Variants in KIN observed in about 807,000 individuals in gnomAD.
KIN encodes Kin17 DNA and RNA binding protein.
Under a neutral mutation model 63.0 loss-of-function variants are expected in KIN, and 47 were observed. The ratio of observed to expected loss-of-function variants is 0.75; its 90% CI spans 0.59 to 0.95. The LOEUF is 0.95. Ranked by LOEUF, KIN falls within the 40% of genes least tolerant of loss-of-function variation. The pLI is 0.00. For missense variants in KIN, 408 were observed against 460.9 expected, an observed-to-expected ratio of 0.89 and a Z score of 1.05; for synonymous variants, 160 against 157.7, an observed-to-expected ratio of 1.01 and a Z score of -0.11.
At chr10:7,780,790 C>T (rs760420160) in intron 2 of KIN, among the ~76,000 whole-genome samples, 6 of 152,112 alleles carry the variant, frequency 3.9e-5, no homozygotes, top group Non-Finnish European at 7.3e-5. Flanking sequence ...GAAAGAACTC[C>T]AAAATATTAT....
intron 7 of KIN, among the ~76,000 whole-genome samples, chr10:7,770,278 A>G (rs1835641608): frequency 6.6e-6 from 1 of 152,190 alleles, no homozygotes; most frequent in Non-Finnish European, 1.5e-5. Context: ...AACTGTCACC[A>G]TTGGCCCCAG....
rs1226370697 is a variant in KIN, at chr10:7,752,654, T to C, written c.*3426A>G. Reference sequence around the variant, plus strand: ...CTTTACTCATAATTTCCAAACCTTGTAAGCAACCAAGATATCCTTCAGTAG... The same window carrying C: ...CTTTACTCATAATTTCCAAACCTTGCAAGCAACCAAGATATCCTTCAGTAG... On this transcript the variant is annotated 3_prime_UTR_variant, in exon 13 of 13. Transcript: ENST00000379562. 6.6e-5 allele frequency: 10 copies of C among 152,228 alleles called. No individual in the cohort carries two copies. Among genetic ancestry groups the C allele is most frequent in the African/African-American group, 2.2e-4 (9 of 41,466 alleles). The allele number at this position is 152,228 out of a possible 1,614,324, so 9.4% of individuals were successfully genotyped here.
At position 7,754,845 on chromosome 10, in the gene KIN, A is replaced by G. The variant is rs1486509118; in HGVS notation, c.*1235T>C. On this transcript the variant is annotated 3_prime_UTR_variant, in exon 13 of 13. Coordinates refer to ENST00000379562, the MANE Select transcript of KIN (RefSeq NM_012311.4). Reference sequence around the variant, plus strand: ...TGCTCCTTTCAGTCATGTGCACTACAAATATCCCTTCGTTTTTCCTTTGGC... The same window carrying G: ...TGCTCCTTTCAGTCATGTGCACTACGAATATCCCTTCGTTTTTCCTTTGGC... 6.6e-6 allele frequency: 1 copy of G among 152,214 alleles called. No individual in the cohort carries two copies. The highest frequency in any genetic ancestry group is 1.5e-5 in the Non-Finnish European group (1 of 68,094). The allele number at this position is 152,214 out of a possible 1,614,324, so 9.4% of individuals were successfully genotyped here.
Position 7,780,198 on chromosome 10 carries a change from C to T in KIN, c.254-20G>A. On this transcript the variant is annotated intron_variant, in intron 3 of 12. Coordinates refer to ENST00000379562, the MANE Select transcript of KIN (RefSeq NM_012311.4). Reference sequence around the variant, plus strand: ...TAGTGCCTGAGAACAAAATATGACACTGATGATCATCAGAAGATTATGCCA... The same window carrying T: ...TAGTGCCTGAGAACAAAATATGACATTGATGATCATCAGAAGATTATGCCA... The T allele has an allele frequency of 1.9e-6, 3 of 1,612,024 alleles. No homozygotes were observed. The highest frequency in any genetic ancestry group is 2.5e-6 in the Non-Finnish European group (3 of 1,178,966).
intron 11 of KIN, 40 bp from the exon 12 acceptor site, chr10:7,760,030 A>ATT: frequency 3.1e-6 from 3 of 962,774 alleles, no homozygotes; most frequent in Non-Finnish European, 4.8e-6. Context: ...GTGAAGAAAT[A>ATT]TCTCCACTTT....
At chr10:7,779,178 CA>C (rs2131026014) in intron 4 of KIN, among the ~76,000 whole-genome samples, 159 bp from the exon 5 acceptor site, 1 of 152,306 alleles carries the variant, frequency 6.6e-6, no homozygotes, top group African/African-American at 2.4e-5. Flanking sequence ...GAGGCCAACA[CA>C]GGTGGATCAC....
rs1436723629 is a variant in KIN at position 7,755,952 on chromosome 10, A to C, written c.*128T>G. ...AAGTTTAGCTGAACAACTATACAGT[A>C]ATATTTTCAAAAACCTGTTTGTTTT... is the stretch of plus-strand genomic sequence containing the variant. On this transcript the variant is annotated 3_prime_UTR_variant, in exon 13 of 13. Transcript: ENST00000379562. The C allele has an allele frequency of 3.9e-6, 2 of 510,764 alleles. No individual in the cohort carries two copies. The highest frequency in any genetic ancestry group is 4.1e-5 in the African/African-American group (2 of 49,034). 31.6% of individuals were successfully genotyped at this position (510,764 alleles called of 1,614,324 possible). A position where few individuals can be genotyped will look rare whatever the true frequency, so the allele number is the denominator to read the frequency against.
At chr10:7,779,743 A>G (rs1476605799) in intron 4 of KIN, among the ~76,000 whole-genome samples, 5 of 152,212 alleles carry the variant, frequency 3.3e-5, no homozygotes, top group African/African-American at 7.2e-5. Flanking sequence ...TTTATTTTAT[A>G]TAAGGGACTT....
intron 10 of KIN, 123 bp from the exon 11 acceptor site, chr10:7,762,679 T>C: frequency 3.7e-6 from 2 of 535,958 alleles, no homozygotes; most frequent in Non-Finnish European, 6.5e-6. Flanking sequence ...ACTCCTTCTA[T>C]AAATGACACT....
intron 1 of KIN, 89 bp from the exon 2 acceptor site, chr10:7,783,264 G>T (rs1835934512): frequency 1.8e-6 from 1 of 542,032 alleles, no homozygotes; most frequent in Non-Finnish European, 3.1e-6. Flanking sequence ...CAAAAAATCT[G>T]CTCTTTGATG....
chr10:7,758,958 G>T (rs1835387359), intron 12 of KIN, among the ~76,000 whole-genome samples: 2 of 151,898 alleles, frequency 1.3e-5, no homozygotes, highest in South Asian at 4.1e-4. Context: ...AGAAAAGCTT[G>T]ATTTACTGAA....
intron 12 of KIN, 42 bp from the exon 13 acceptor site, chr10:7,756,184 T>C (rs756197792): frequency 1.2e-5 from 16 of 1,292,764 alleles, no homozygotes; most frequent in Non-Finnish European, 1.5e-5. Flanking sequence ...AAAACACATA[T>C]TCCTAAAAGA....
Position 7,754,023 on chromosome 10 carries a change from T to C in KIN, c.*2057A>G. The C allele has an allele frequency of 2.2e-6, 1 of 456,000 alleles. No individual in the cohort carries two copies. Among genetic ancestry groups the C allele is most frequent in the Non-Finnish European group, 4.4e-6 (1 of 226,778 alleles). 28.2% of individuals were successfully genotyped at this position (456,000 alleles called of 1,614,324 possible). The stretch of plus-strand genomic sequence containing the variant: ...ATCCTGGTATGGTCTGTTTTTTGTT[T>C]GAACTCTTGTAGAAGATCAACTCAG... On this transcript the variant is annotated 3_prime_UTR_variant, in exon 13 of 13. Transcript: ENST00000379562.
At chr10:7,756,509 G>A (rs897491356) in intron 12 of KIN, among the ~76,000 whole-genome samples, 8 of 152,150 alleles carry the variant, frequency 5.3e-5, no homozygotes, top group East Asian at 3.9e-4. Context: ...CGGTCCAGAC[G>A]TGCTATAACT....
Position 7,755,751 on chromosome 10 carries a change from G to GT in KIN, c.*328dup, listed in dbSNP as rs972856171. The GT allele has an allele frequency of 1.7e-5, 3 of 171,844 alleles. No individual in the cohort carries two copies. The highest frequency in any genetic ancestry group is 7.1e-5 in the African/African-American group (3 of 42,250). 10.6% of individuals were successfully genotyped at this position (171,844 alleles called of 1,614,324 possible). A position where few individuals can be genotyped will look rare whatever the true frequency, so the allele number is the denominator to read the frequency against. ...ACTACTCTACTACTGAAAATATAGA[G>GT]TGTATGAAGGATTTCCTCCAATTAC... On this transcript the variant is annotated 3_prime_UTR_variant, in exon 13 of 13. Transcript: ENST00000379562.
At chr10:7,758,656 G>T (rs1254467562) in intron 12 of KIN, among the ~76,000 whole-genome samples, 1 of 138,268 alleles carries the variant, frequency 7.2e-6, no homozygotes, top group Non-Finnish European at 1.5e-5. Flanking sequence ...AATAAGGTAA[G>T]TTTCATGCAT....
At chr10:7,770,978 A>C (rs1835655618) in intron 7 of KIN, among the ~76,000 whole-genome samples, 1 of 152,088 alleles carries the variant, frequency 6.6e-6, no homozygotes, top group Admixed American at 6.6e-5. Flanking sequence ...TCTTTACCTA[A>C]CTGTCAGGCT....
At chr10:7,783,813 C>T (rs1835945876) in intron 1 of KIN, among the ~76,000 whole-genome samples, 1 of 151,900 alleles carries the variant, frequency 6.6e-6, no homozygotes, top group Admixed American at 6.6e-5. Flanking sequence ...GCACAAGCAC[C>T]CAAGCCATGA....
chr10:7,786,570 T>C (rs79680021), intron 1 of KIN, among the ~76,000 whole-genome samples: 2 of 151,664 alleles, frequency 1.3e-5, no homozygotes. Context: ...GGGTAGAGCC[T>C]GCATGATGAA....
Sources: allele counts gnomAD v4.1 joint callset (sites outside exome capture counted in the v4.1 genomes callset), GRCh38; gene constraint gnomAD v4.1.1; transcripts MANE v1.5; gene names NCBI Gene and HGNC (gene_info 2026-07-23, HGNC 2026-07-21).